CTNND2: variants seen among roughly 807,000 people sequenced by gnomAD.
CTNND2 encodes the protein catenin delta 2, also known as catenin delta-2.
Under a neutral mutation model 144.4 loss-of-function variants are expected in CTNND2, and 22 were observed. That is an observed-to-expected ratio of 0.15 (90% confidence interval 0.11 to 0.22). The LOEUF is 0.22. CTNND2 is among the 10% of genes least tolerant of loss of function. The pLI is 1.00. For synonymous variants in CTNND2, 751 were observed against 695.6 expected, an observed-to-expected ratio of 1.08 and a Z score of -1.25; for missense variants, 1,353 against 1,618.8, an observed-to-expected ratio of 0.84 and a Z score of 2.82.
Position 11,261,963 on chromosome 5 carries a change from T to C in CTNND2, c.1629-25140A>G, listed in dbSNP as rs149274795. 8.6e-4 allele frequency among the ~76,000 whole-genome samples: 131 copies of C among 152,290 alleles called. 1 individual carries two copies. In the East Asian group the frequency reaches 0.023, roughly 27 times the overall value. On this transcript the variant is annotated intron_variant, in intron 9 of 21. Coordinates refer to ENST00000304623, the MANE Select transcript of CTNND2 (RefSeq NM_001332.4). ...TCGTGTAGAAAGTCTAAGTTAATCA[T>C]AAAATCAAGGTGAGTCAAAACATAT...
chr5:11,273,101 T>C (rs1377430112), intron 9 of CTNND2, among the ~76,000 whole-genome samples: 1 of 152,240 alleles, frequency 6.6e-6, no homozygotes, highest in Non-Finnish European at 1.5e-5. Context: ...ATAATAGTTT[T>C]GTGAAAATGT....
At chr5:11,210,600 G>A (rs1738527124) in intron 10 of CTNND2, among the ~76,000 whole-genome samples, 2 of 152,148 alleles carry the variant, frequency 1.3e-5, no homozygotes, top group African/African-American at 4.8e-5. Flanking sequence ...TTATTTGTAT[G>A]TGGCAAAGCT....
intron 7 of CTNND2, among the ~76,000 whole-genome samples, chr5:11,373,732 A>T (rs1398735233): frequency 1.3e-5 from 2 of 152,170 alleles, no homozygotes; most frequent in Non-Finnish European, 2.9e-5. Flanking sequence ...CTTGAGGAGC[A>T]TGTGTCAAGG....
At chr5:11,607,459 C>T (rs10077763) in intron 2 of CTNND2, among the ~76,000 whole-genome samples, 2,567 of 152,130 alleles carry the variant, frequency 0.017, 88 homozygotes, top group African/African-American at 0.059. Flanking sequence ...AAAATGATTA[C>T]AACAGTAATC....
At chr5:11,624,708 A>G (rs1340355710) in intron 2 of CTNND2, among the ~76,000 whole-genome samples, 1 of 152,122 alleles carries the variant, frequency 6.6e-6, no homozygotes, top group African/African-American at 2.4e-5. Context: ...GGTTAGAAAA[A>G]TAAAACAAAA....
chr5:11,849,438 C>T (rs892182253), intron 1 of CTNND2, among the ~76,000 whole-genome samples: 1 of 152,146 alleles, frequency 6.6e-6, no homozygotes, highest in African/African-American at 2.4e-5. Context: ...AAACCTCTAG[C>T]ATTTTTACTT....
At chr5:11,401,479 T>C (rs903976527) in intron 5 of CTNND2, among the ~76,000 whole-genome samples, 1 of 152,164 alleles carries the variant, frequency 6.6e-6, no homozygotes, top group Non-Finnish European at 1.5e-5. Context: ...TCTGAACGTG[T>C]GTTGAAAAAA....
At chr5:11,129,652 T>G (rs1244589001) in intron 12 of CTNND2, among the ~76,000 whole-genome samples, 1 of 151,878 alleles carries the variant, frequency 6.6e-6, no homozygotes, top group Non-Finnish European at 1.5e-5. Context: ...CCCTGAAAAC[T>G]GGAGTTTTCA....
chr5:11,378,194 C>G (rs11948339), intron 7 of CTNND2, among the ~76,000 whole-genome samples: 9 of 152,054 alleles, frequency 5.9e-5, no homozygotes, highest in Admixed American at 3.3e-4. Context: ...TCAGCCTGTA[C>G]TCCCCAAGTG....
intron 2 of CTNND2, among the ~76,000 whole-genome samples, chr5:11,626,916 T>G (rs1212488393): frequency 6.6e-6 from 1 of 152,184 alleles, no homozygotes; most frequent in African/African-American, 2.4e-5. Context: ...TATTTCTTCT[T>G]TTTTTGGTGT....
intron 18 of CTNND2, 116 bp downstream of exon 18, chr5:11,017,858 G>A (rs1218979953): frequency 9.2e-6 from 7 of 763,556 alleles, no homozygotes; most frequent in Admixed American, 2.2e-5. Flanking sequence ...ACTGATTCTC[G>A]TTTCAGTTGT....
intron 1 of CTNND2, among the ~76,000 whole-genome samples, chr5:11,744,308 G>A (rs969753024): frequency 1.3e-5 from 2 of 152,188 alleles, no homozygotes; most frequent in African/African-American, 4.8e-5. Context: ...AGGCAAGCTT[G>A]TGACTTGAGA....
chr5:11,090,238 G>C (rs1013702681), intron 15 of CTNND2, among the ~76,000 whole-genome samples: 1 of 152,204 alleles, frequency 6.6e-6, no homozygotes, highest in African/African-American at 2.4e-5. Context: ...TTTCATCTAA[G>C]TTTTTGTGTT....
intron 2 of CTNND2, among the ~76,000 whole-genome samples, chr5:11,711,636 C>T (rs1430397627): frequency 6.6e-6 from 1 of 152,156 alleles, no homozygotes; most frequent in Non-Finnish European, 1.5e-5. Flanking sequence ...GAGATAAATA[C>T]TATTATTAAC....
intron 1 of CTNND2, among the ~76,000 whole-genome samples, chr5:11,818,193 T>C (rs937076146): frequency 1.3e-5 from 2 of 152,038 alleles, no homozygotes; most frequent in African/African-American, 2.4e-5. Flanking sequence ...ATTTATTGAT[T>C]ATGACATGTC....
intron 3 of CTNND2, among the ~76,000 whole-genome samples, chr5:11,474,797 C>T (rs920703702): frequency 1.3e-5 from 2 of 152,204 alleles, no homozygotes; most frequent in African/African-American, 4.8e-5. Context: ...CCCATTAGCA[C>T]AGCAAGTTGC....
At chr5:11,571,511 T>C (rs921636232) in intron 2 of CTNND2, among the ~76,000 whole-genome samples, 3 of 152,280 alleles carry the variant, frequency 2.0e-5, no homozygotes, top group Non-Finnish European at 2.9e-5. Context: ...GTTTTTCTTG[T>C]GGTCCCTGCG....
At chr5:11,247,165 T>C (rs1399736126) in intron 9 of CTNND2, among the ~76,000 whole-genome samples, 1 of 152,100 alleles carries the variant, frequency 6.6e-6, no homozygotes, top group Non-Finnish European at 1.5e-5. Flanking sequence ...CCCCGCTGGA[T>C]GCTAGGTTAA....
At chr5:11,891,614 G>A (rs1359094960) in intron 1 of CTNND2, among the ~76,000 whole-genome samples, 1 of 152,196 alleles carries the variant, frequency 6.6e-6, no homozygotes, top group Non-Finnish European at 1.5e-5. Context: ...AGACAGATGA[G>A]AGATCTACAA....
Sources: allele counts gnomAD v4.1 joint callset (sites outside exome capture counted in the v4.1 genomes callset), GRCh38; gene constraint gnomAD v4.1.1; transcripts MANE v1.5; gene names NCBI Gene and HGNC (gene_info 2026-07-23, HGNC 2026-07-21).